The following SCMH1 variants were observed in gnomAD, a reference collection of about 807,000 sequenced individuals.
SCMH1 encodes the protein polycomb protein SCMH1.
A neutral mutation model predicts 70.8 loss-of-function variants in SCMH1; 37 were observed. The ratio of observed to expected loss-of-function variants is 0.52; its 90% CI spans 0.40 to 0.69. SCMH1 has a LOEUF of 0.69. Among genes scored for constraint, SCMH1 ranks in the 30% least tolerant of loss-of-function variants. The pLI is 0.00. For synonymous variants in SCMH1, 292 were observed against 307.4 expected, an observed-to-expected ratio of 0.95 and a Z score of 0.52; for missense variants, 607 against 827.3, an observed-to-expected ratio of 0.73 and a Z score of 3.27.
intron 2 of SCMH1, among the ~76,000 whole-genome samples, chr1:41,167,634 G>C (rs1646493596): frequency 6.6e-6 from 1 of 152,048 alleles, no homozygotes; most frequent in African/African-American, 2.4e-5. Flanking sequence ...CATTTCTTCT[G>C]GTTGTCCAAT....
intron 2 of SCMH1, among the ~76,000 whole-genome samples, chr1:41,177,288 GA>G (rs1456163819): frequency 6.6e-6 from 1 of 151,464 alleles, no homozygotes; most frequent in African/African-American, 2.4e-5. Flanking sequence ...CAAAGATGGG[GA>G]AAAAACAGAG....
chr1:41,235,833 C>G (rs1662273769), intron 1 of SCMH1, among the ~76,000 whole-genome samples: 1 of 152,094 alleles, frequency 6.6e-6, no homozygotes, highest in African/African-American at 2.4e-5. Context: ...ATAATACGTG[C>G]ATGTCAAGCT....
At chr1:41,042,798 C>T (rs1646371463) in intron 12 of SCMH1, among the ~76,000 whole-genome samples, 1 of 152,144 alleles carries the variant, frequency 6.6e-6, no homozygotes, top group South Asian at 2.1e-4. Flanking sequence ...CCTCTGTCTC[C>T]CTAGAGTCTA....
chr1:41,181,221 G>T (rs1648663390), intron 2 of SCMH1, among the ~76,000 whole-genome samples: 1 of 152,110 alleles, frequency 6.6e-6, no homozygotes, highest in Non-Finnish European at 1.5e-5. Flanking sequence ...AGACTTAAAT[G>T]TTAGACCTAA....
At chr1:41,050,180 A>G (rs540450594) in intron 10 of SCMH1, among the ~76,000 whole-genome samples, 2 of 152,284 alleles carry the variant, frequency 1.3e-5, no homozygotes, top group Non-Finnish European at 2.9e-5. Flanking sequence ...GGCAGTCCTA[A>G]CAGAGTTGTC....
intron 1 of SCMH1, among the ~76,000 whole-genome samples, chr1:41,192,132 C>T (rs1009729814): frequency 6.6e-6 from 1 of 152,096 alleles, no homozygotes; most frequent in African/African-American, 2.4e-5. Context: ...GCTTCCTTGC[C>T]CTGCCCATTC....
chr1:41,083,413 T>C (rs1299575853), intron 8 of SCMH1, among the ~76,000 whole-genome samples: 1 of 152,078 alleles, frequency 6.6e-6, no homozygotes, highest in Non-Finnish European at 1.5e-5. Context: ...GAATCCAACT[T>C]ACAAGGGAAG....
chr1:41,079,467 A>G (rs1659337767), intron 8 of SCMH1, among the ~76,000 whole-genome samples: 2 of 152,170 alleles, frequency 1.3e-5, no homozygotes, highest in African/African-American at 4.8e-5. Flanking sequence ...TGTACTCTAT[A>G]AACACTAACC....
At chr1:41,204,792 G>C (rs1655123452) in intron 1 of SCMH1, among the ~76,000 whole-genome samples, 1 of 151,962 alleles carries the variant, frequency 6.6e-6, no homozygotes, top group Admixed American at 6.6e-5. Flanking sequence ...TCTCTCACTG[G>C]GGTGTTTATG....
intron 2 of SCMH1, among the ~76,000 whole-genome samples, chr1:41,176,304 T>C (rs542216488): frequency 6.6e-6 from 1 of 151,586 alleles, no homozygotes; most frequent in East Asian, 1.9e-4. Context: ...ACAGCTCCAG[T>C]CTACAGCTCC....
At chr1:41,068,757 A>G (rs1241526516) in intron 10 of SCMH1, among the ~76,000 whole-genome samples, 1 of 152,198 alleles carries the variant, frequency 6.6e-6, no homozygotes, top group African/African-American at 2.4e-5. Context: ...AGGTGAAAAT[A>G]TATCCAAAGT....
intron 8 of SCMH1, among the ~76,000 whole-genome samples, chr1:41,089,875 T>A (rs1412152704): frequency 1.4e-5 from 2 of 138,670 alleles, no homozygotes; most frequent in Non-Finnish European, 3.0e-5. Flanking sequence ...CACTGCAACC[T>A]CTACCTCCCA....
intron 2 of SCMH1, chr1:41,162,724 AG>A (rs965858763): frequency 6.6e-6 from 1 of 152,196 alleles, no homozygotes; most frequent in African/African-American, 2.4e-5. Flanking sequence ...GACCAGCTGC[AG>A]AGGAGCCACC....
At chr1:41,073,429 G>T (rs183865337) in intron 9 of SCMH1, among the ~76,000 whole-genome samples, 1 of 152,116 alleles carries the variant, frequency 6.6e-6, no homozygotes, top group Non-Finnish European at 1.5e-5. Context: ...CATCCTTAGG[G>T]CCTTCAGCCT....
At chr1:41,077,103 A>G (rs74598567) in intron 8 of SCMH1, among the ~76,000 whole-genome samples, 9,019 of 152,250 alleles carry the variant, frequency 0.059, 358 homozygotes, top group South Asian at 0.12. Context: ...CAACAACTAG[A>G]AAAAGTCAGA....
chr1:41,101,472 A>G (rs1370067282), intron 8 of SCMH1, among the ~76,000 whole-genome samples: 1 of 152,248 alleles, frequency 6.6e-6, no homozygotes, highest in Non-Finnish European at 1.5e-5. Flanking sequence ...TAACTTTTAG[A>G]TGGGAGAGAA....
At chr1:41,195,648 T>A (rs1449856732) in intron 1 of SCMH1, among the ~76,000 whole-genome samples, 3 of 152,164 alleles carry the variant, frequency 2.0e-5, no homozygotes, top group African/African-American at 7.2e-5. Context: ...CCCCTAAGAT[T>A]AGGAATAGGA....
chr1:41,194,712 T>C (rs1652572482), intron 1 of SCMH1, among the ~76,000 whole-genome samples: 1 of 152,216 alleles, frequency 6.6e-6, no homozygotes, highest in Non-Finnish European at 1.5e-5. Context: ...AAATATTTAC[T>C]GGTACATGAC....
intron 2 of SCMH1, among the ~76,000 whole-genome samples, chr1:41,169,774 G>C (rs559134777): frequency 1.3e-5 from 2 of 152,280 alleles, no homozygotes; most frequent in African/African-American, 4.8e-5. Flanking sequence ...TTCTCCTGGG[G>C]AATAAAGTCC....
Sources: gnomAD v4.1 joint callset for allele counts (sites outside exome capture counted in the v4.1 genomes callset) on GRCh38, gnomAD v4.1.1 for gene constraint, MANE v1.5 for transcripts, NCBI Gene and HGNC (gene_info 2026-07-23, HGNC 2026-07-21) for gene names.